SCN8A: variants seen among roughly 807,000 people sequenced by gnomAD.
SCN8A encodes the protein sodium channel protein type 8 subunit alpha.
In SCN8A, 30 loss-of-function variants were observed where a neutral mutation model predicts 184.1. The ratio of observed to expected loss-of-function variants is 0.16; its 90% CI spans 0.12 to 0.22. The LOEUF (loss-of-function observed/expected upper bound fraction) is 0.22. SCN8A is among the 10% of genes least tolerant of loss of function. SCN8A has a pLI of 1.00. For synonymous variants in SCN8A, 852 were observed against 907.0 expected (o/e 0.94, Z 1.09); for missense variants, 1,057 against 2,498.9 (o/e 0.42, Z 12.30).
intron 6 of SCN8A, among the ~76,000 whole-genome samples, chr12:51,696,257 C>T (rs1941591018): frequency 6.6e-6 from 1 of 152,148 alleles, no homozygotes; most frequent in Non-Finnish European, 1.5e-5. Context: ...ACTGTACAAC[C>T]ATTTTTAGTG....
intron 11 of SCN8A, among the ~76,000 whole-genome samples, chr12:51,719,914 A>T (rs12813671): frequency 6.6e-6 from 1 of 151,860 alleles, no homozygotes; most frequent in African/African-American, 2.4e-5. Flanking sequence ...GTCTCTACTA[A>T]AAATACAAAA....
rs886049582 is a variant in SCN8A, at chr12:51,705,455, C to T, written c.1173C>T (p.Phe391=). ...RAAGKTYMIF[F]VLVIFVGSFY... is the part of the protein sequence containing the mutation. Reference sequence around the variant, plus strand: ...CCGGGAAAACATACATGATCTTCTTCGTCTTGGTCATCTTTGTGGGTTCTT... The same window carrying T: ...CCGGGAAAACATACATGATCTTCTTTGTCTTGGTCATCTTTGTGGGTTCTT... Residue 391 remains phenylalanine, a synonymous_variant, in exon 10 of 27, where the codon TTC becomes TTT. Transcript: ENST00000627620. 6.2e-6 allele frequency: 10 copies of T among 1,613,964 alleles called. No individual in the cohort carries two copies. The highest frequency in any genetic ancestry group is 1.7e-4 in the Middle Eastern group (1 of 6,060).
intron 9 of SCN8A, among the ~76,000 whole-genome samples, chr12:51,703,945 G>A (rs994471803): frequency 1.3e-5 from 2 of 151,200 alleles, no homozygotes. Context: ...TCGCTCTGTC[G>A]CCCAGGCTGG....
At chr12:51,599,594 G>A (rs1370142332) in intron 1 of SCN8A, among the ~76,000 whole-genome samples, 1 of 152,166 alleles carries the variant, frequency 6.6e-6, no homozygotes, top group Non-Finnish European at 1.5e-5. Context: ...GGAGAATGTA[G>A]AATTTAGAGA....
chr12:51,766,922 C>A (rs143453947), intron 16 of SCN8A, among the ~76,000 whole-genome samples: 71 of 152,252 alleles, frequency 4.7e-4, no homozygotes, highest in African/African-American at 1.5e-3. Flanking sequence ...AAGTGTAGGG[C>A]AAAGAGGACT....
At chr12:51,779,657 G>T (rs1358894827) in intron 20 of SCN8A, among the ~76,000 whole-genome samples, 1 of 152,078 alleles carries the variant, frequency 6.6e-6, no homozygotes, top group East Asian at 1.9e-4. Flanking sequence ...TGTAACCCTG[G>T]GCAAATTCTT....
intron 11 of SCN8A, among the ~76,000 whole-genome samples, chr12:51,713,811 C>G (rs1941921625): frequency 6.6e-6 from 1 of 151,758 alleles, no homozygotes; most frequent in African/African-American, 2.4e-5. Context: ...ACCTAAAAAC[C>G]TTTCTAAAAT....
intron 7 of SCN8A, among the ~76,000 whole-genome samples, chr12:51,700,258 T>C (rs1941664592): frequency 6.6e-6 from 1 of 152,140 alleles, no homozygotes; most frequent in African/African-American, 2.4e-5. Flanking sequence ...ATTATTCCTT[T>C]CCTCGACGTA....
intron 1 of SCN8A, among the ~76,000 whole-genome samples, chr12:51,620,524 T>G (rs1188147908): frequency 6.6e-6 from 1 of 152,102 alleles, no homozygotes; most frequent in Non-Finnish European, 1.5e-5. Flanking sequence ...TGAGCACGTA[T>G]TAGTTTGTAA....
At chr12:51,625,137 C>T (rs1046108451) in intron 1 of SCN8A, among the ~76,000 whole-genome samples, 4 of 152,312 alleles carry the variant, frequency 2.6e-5, no homozygotes, top group African/African-American at 9.6e-5. Context: ...CCTAGTAACA[C>T]ATAGAATAAT....
At chr12:51,621,690 A>G (rs1939966613) in intron 1 of SCN8A, among the ~76,000 whole-genome samples, 1 of 152,220 alleles carries the variant, frequency 6.6e-6, no homozygotes, top group African/African-American at 2.4e-5. Flanking sequence ...AGTAAGAAGG[A>G]AGGGGCAGAG....
rs187317402 is a variant in SCN8A, at chr12:51,761,836, G to A, written c.2371-667G>A. ...AGTAAGAGTGAGAGTTGGGAGAACCGTGTAGCAACATGGATAGACTTAATG... is the reference window on the plus strand; with the variant it reads ...AGTAAGAGTGAGAGTTGGGAGAACCATGTAGCAACATGGATAGACTTAATG... On this transcript the variant is annotated intron_variant, in intron 14 of 26. Coordinates refer to ENST00000627620, the MANE Select transcript of SCN8A (RefSeq NM_001330260.2). Among the ~76,000 whole-genome samples, 134 of 151,928 alleles carry A rather than the reference G, an allele frequency of 8.8e-4. 1 individual carries two copies. Among genetic ancestry groups the A allele is most frequent in the Non-Finnish European group, 3.7e-4 (25 of 67,960 alleles).
chr12:51,659,582 A>G (rs968174789), intron 1 of SCN8A, among the ~76,000 whole-genome samples: 1 of 152,198 alleles, frequency 6.6e-6, no homozygotes, highest in Non-Finnish European at 1.5e-5. Flanking sequence ...GTGAAATGGC[A>G]GAAATTTGGA....
chr12:51,740,425 G>A lies in SCN8A; in HGVS notation c.1999-5478G>A, dbSNP rs578251543. Among the ~76,000 whole-genome samples the A allele has an allele frequency of 1.1e-4, 17 of 152,234 alleles. No homozygotes were observed. The East Asian group carries it at 1.5e-3, about 14-fold the overall frequency. Reference sequence around the variant, plus strand: ...TTTGACCCACTGGTCATTCAGGAGCGTATTTAATCTCCATGTGTTTGTATC... The same window carrying A: ...TTTGACCCACTGGTCATTCAGGAGCATATTTAATCTCCATGTGTTTGTATC... On this transcript the variant is annotated intron_variant, in intron 12 of 26. Coordinates refer to ENST00000627620, the MANE Select transcript of SCN8A (RefSeq NM_001330260.2).
rs772964567 is a variant in SCN8A, at chr12:51,807,299, C to A, written c.5813C>A (p.Thr1938Asn). Reference sequence around the variant, plus strand: ...ACACACCGGGAGAAAAAAGAGAGCACCCCATCTACAGCCTCCCTCCCGTCC... The same window carrying A: ...ACACACCGGGAGAAAAAAGAGAGCAACCCATCTACAGCCTCCCTCCCGTCC... Reference protein sequence around the residue: ...GGTHREKKESTPSTASLPSYD... With the variant: ...GGTHREKKESNPSTASLPSYD... Residue 1938 changes from threonine to asparagine, a missense_variant, in exon 27 of 27, where the codon ACC (threonine) becomes AAC (asparagine). Physicochemically the swap from Thr to Asn is moderately conservative, Grantham distance 65. Coordinates refer to ENST00000627620, the MANE Select transcript of SCN8A (RefSeq NM_001330260.2). The surrounding 1 kb of genome is among the most constrained non-coding windows in gnomAD (Gnocchi z 4.5). 1 of 1,613,862 alleles carries A rather than the reference C, an allele frequency of 6.2e-7. No individual in the cohort carries two copies. Among genetic ancestry groups the A allele is most frequent in the Non-Finnish European group, 8.5e-7 (1 of 1,179,848 alleles).
At chr12:51,751,948 T>A (rs1942601925) in intron 14 of SCN8A, among the ~76,000 whole-genome samples, 1 of 152,152 alleles carries the variant, frequency 6.6e-6, no homozygotes, top group Non-Finnish European at 1.5e-5. Flanking sequence ...CTCCAGCAAA[T>A]CAGTTCCCCT....
chr12:51,603,501 T>C (rs1939514965), intron 1 of SCN8A, among the ~76,000 whole-genome samples: 1 of 152,238 alleles, frequency 6.6e-6, no homozygotes, highest in African/African-American at 2.4e-5. Context: ...CAAACATTCA[T>C]GTACAGGTTT....
At chr12:51,788,287 C>CTTTTTTTTTTTT (rs66672221) in intron 22 of SCN8A, among the ~76,000 whole-genome samples, 9 of 84,004 alleles carry the variant, frequency 1.1e-4, no homozygotes, top group African/African-American at 3.5e-4. Flanking sequence ...CGCTTAACAC[C>CTTTTTTTTTTTT]TTTTTTTTTT....
chr12:51,792,010 G>A (rs1004200060), intron 25 of SCN8A, among the ~76,000 whole-genome samples: 1 of 152,146 alleles, frequency 6.6e-6, no homozygotes, highest in African/African-American at 2.4e-5. Flanking sequence ...TGAACAAAAG[G>A]TAGACTGCTG....
Sources: gnomAD v4.1 joint callset for allele counts (sites outside exome capture counted in the v4.1 genomes callset) on GRCh38, gnomAD v4.1.1 for gene constraint, Gnocchi (gnomAD v3.1) non-coding constraint, MANE v1.5 for transcripts, NCBI Gene and HGNC (gene_info 2026-07-23, HGNC 2026-07-21) for gene names.